Variants in TNPO1 observed in about 807,000 individuals in gnomAD.
The protein encoded by TNPO1 is transportin-1.
Under a neutral mutation model 119.5 loss-of-function variants are expected in TNPO1, and 8 were observed. The ratio of observed to expected loss-of-function variants is 0.07; its 90% CI spans 0.04 to 0.12. TNPO1 has a LOEUF of 0.12. Ranked by LOEUF, TNPO1 falls within the 10% of genes least tolerant of loss-of-function variation. The pLI is 1.00. For synonymous variants in TNPO1, 362 were observed against 363.0 expected (o/e 1.00, Z 0.03); for missense variants, 576 against 1,089.8 (o/e 0.53, Z 6.64).
chr5:72,828,292 A>G (rs1176183650), intron 1 of TNPO1, among the ~76,000 whole-genome samples: 2 of 152,184 alleles, frequency 1.3e-5, no homozygotes, highest in Non-Finnish European at 2.9e-5. Flanking sequence ...GACAGTGACT[A>G]TTTACAACTT....
At chr5:72,857,859 C>CT (rs1320974912) in intron 4 of TNPO1, among the ~76,000 whole-genome samples, 1 of 152,176 alleles carries the variant, frequency 6.6e-6, no homozygotes, top group African/African-American at 2.4e-5. Flanking sequence ...CTAATGAGTA[C>CT]TTTCACCTTC....
At chr5:72,862,726 A>G (rs1746552411) in intron 5 of TNPO1, among the ~76,000 whole-genome samples, 1 of 151,946 alleles carries the variant, frequency 6.6e-6, no homozygotes, top group Non-Finnish European at 1.5e-5. Context: ...GCTCACTGCA[A>G]CCTCTGCCTC....
chr5:72,856,248 T>G (rs1270479997), intron 4 of TNPO1, among the ~76,000 whole-genome samples: 1 of 152,030 alleles, frequency 6.6e-6, no homozygotes, highest in East Asian at 1.9e-4. Flanking sequence ...GTTTTTTTGT[T>G]TTTTTTTGAA....
chr5:72,882,672 TTAAG>T (rs999473004), intron 10 of TNPO1, 145 bp downstream of exon 10: 4 of 569,920 alleles, frequency 7.0e-6, no homozygotes, highest in African/African-American at 3.8e-5. Context: ...AAGCATAAGT[TTAAG>T]TAATGATAAA....
At chr5:72,902,097 A>T (rs1391720685) in intron 22 of TNPO1, among the ~76,000 whole-genome samples, 3 of 151,838 alleles carry the variant, frequency 2.0e-5, no homozygotes, top group Admixed American at 6.6e-5. Flanking sequence ...AATGTAGTTG[A>T]GGGAGGGAAG....
chr5:72,860,659 T>C (rs540668384), intron 4 of TNPO1, among the ~76,000 whole-genome samples: 1 of 152,350 alleles, frequency 6.6e-6, no homozygotes, highest in East Asian at 1.9e-4. Flanking sequence ...TGTAGGAGTA[T>C]GTAGCCTGCC....
At position 72,886,910 on chromosome 5, in the gene TNPO1, A is replaced by C. The variant is rs1044811554; in HGVS notation, c.1151-160A>C. 3.8e-3 allele frequency among the ~76,000 whole-genome samples: 566 copies of C among 148,038 alleles called. 3 individuals are homozygous for C. Among genetic ancestry groups the C allele is most frequent in the African/African-American group, 0.014 (555 of 39,900 alleles). On this transcript the variant is annotated intron_variant, in intron 11 of 24. Coordinates refer to ENST00000337273, the MANE Select transcript of TNPO1 (RefSeq NM_002270.4). ...TCTCAAAAAAAAAAAAAAAAAAAAA[A>C]ACCACAAAATGTTTTCACGTGACAA...
chr5:72,896,268 T>TA (rs1749420603), intron 18 of TNPO1, among the ~76,000 whole-genome samples, 190 bp from the exon 19 acceptor site: 1 of 152,186 alleles, frequency 6.6e-6, no homozygotes, highest in Non-Finnish European at 1.5e-5. Context: ...CCAACTCCTT[T>TA]AAAAAATATT....
intron 1 of TNPO1, among the ~76,000 whole-genome samples, chr5:72,830,516 A>G (rs995608443): frequency 3.3e-5 from 5 of 152,158 alleles, no homozygotes; most frequent in African/African-American, 1.2e-4. Flanking sequence ...CAGATGTTTT[A>G]TTATTATATT....
In TNPO1 at chr5:72,861,789, A is replaced by C; in HGVS notation, c.356-19A>C. The C allele has an allele frequency of 3.2e-6, 5 of 1,553,058 alleles. No homozygotes were observed. The highest frequency in any genetic ancestry group is 4.4e-6 in the Non-Finnish European group (5 of 1,125,116). ...CATAATGCTGTTGGATTTCCTAAAG[A>C]AGTGTGTTTTTGTTCAAGGTATTTT... is the stretch of plus-strand genomic sequence containing the variant. On this transcript the variant is annotated intron_variant, in intron 4 of 24. Coordinates refer to ENST00000337273, the MANE Select transcript of TNPO1 (RefSeq NM_002270.4).
intron 4 of TNPO1, 101 bp from the exon 5 acceptor site, chr5:72,861,707 G>T (rs1746462437): frequency 4.8e-6 from 4 of 840,938 alleles, no homozygotes; most frequent in Non-Finnish European, 7.8e-6. Flanking sequence ...CTGGCCAAAT[G>T]TTATTATTTA....
intron 20 of TNPO1, among the ~76,000 whole-genome samples, chr5:72,898,951 G>T (rs1579933811): frequency 6.6e-6 from 1 of 151,960 alleles, no homozygotes. Flanking sequence ...GCACTTCATG[G>T]TTTGTTTTCT....
At chr5:72,852,411 C>T (rs1452212297) in intron 3 of TNPO1, among the ~76,000 whole-genome samples, 2 of 152,144 alleles carry the variant, frequency 1.3e-5, no homozygotes, top group Non-Finnish European at 2.9e-5. Flanking sequence ...AAGGAGCTTA[C>T]GTTGTAGTGA....
intron 15 of TNPO1, among the ~76,000 whole-genome samples, chr5:72,892,120 A>G (rs945658564): frequency 6.6e-6 from 1 of 151,794 alleles, no homozygotes; most frequent in African/African-American, 2.4e-5. Context: ...ATAGCATACT[A>G]CTCTATATAG....
chr5:72,828,720 T>C (rs1744316491), intron 1 of TNPO1, among the ~76,000 whole-genome samples: 1 of 40,140 alleles, frequency 2.5e-5, no homozygotes, highest in Non-Finnish European at 5.2e-5. Flanking sequence ...ACATCTTTTG[T>C]AGCATTTTTT....
chr5:72,894,552 T>C (rs2112466938), intron 18 of TNPO1, among the ~76,000 whole-genome samples: 1 of 152,272 alleles, frequency 6.6e-6, no homozygotes, highest in Middle Eastern at 3.4e-3. Flanking sequence ...GTGCCTGTAG[T>C]TCTAGCTACT....
intron 20 of TNPO1, among the ~76,000 whole-genome samples, chr5:72,898,593 A>G (rs1055698772): frequency 2.6e-5 from 4 of 152,126 alleles, no homozygotes; most frequent in Admixed American, 2.6e-4. Context: ...TCTAGATTTT[A>G]GCAGCTTTTA....
chr5:72,907,557 G>A (rs1198353091), intron 24 of TNPO1, among the ~76,000 whole-genome samples: 3 of 152,120 alleles, frequency 2.0e-5, no homozygotes, highest in Non-Finnish European at 4.4e-5. Context: ...GTAGAGTTCT[G>A]TTTGTAAAAG....
intron 18 of TNPO1, 127 bp from the exon 19 acceptor site, chr5:72,896,331 G>A (rs1456934420): frequency 3.9e-6 from 2 of 508,868 alleles, no homozygotes; most frequent in Non-Finnish European, 6.8e-6. Context: ...TGATGTTGCA[G>A]TAATTTTTTT....
Sources: allele counts gnomAD v4.1 joint callset (sites outside exome capture counted in the v4.1 genomes callset), GRCh38; gene constraint gnomAD v4.1.1; transcripts MANE v1.5; gene names NCBI Gene and HGNC (gene_info 2026-07-23, HGNC 2026-07-21).